Variants in VRK3 observed in about 807,000 individuals in gnomAD.
The protein encoded by VRK3 is serine/threonine-protein kinase VRK3.
Under a neutral mutation model 60.4 loss-of-function variants are expected in VRK3, and 50 were observed. That is an observed-to-expected ratio of 0.83 (90% confidence interval 0.66 to 1.05). VRK3 has a LOEUF of 1.05. Among genes scored for constraint, VRK3 ranks in the 50% least tolerant of loss-of-function variants. VRK3 has a pLI of 0.00. For missense variants in VRK3, 549 were observed against 585.3 expected (o/e 0.94, Z 0.64); for synonymous variants, 246 against 227.8 (o/e 1.08, Z -0.72).
chr19:49,997,694 G>T, intron 6 of VRK3, 124 bp from the exon 7 acceptor site: 1 of 1,005,810 alleles, frequency 9.9e-7, no homozygotes, highest in Non-Finnish European at 1.5e-6. Flanking sequence ...CCACATCGGA[G>T]CCAAATTCCT....
At chr19:50,008,460 GATA>G (rs1173726274) in intron 4 of VRK3, among the ~76,000 whole-genome samples, 2 of 152,182 alleles carry the variant, frequency 1.3e-5, no homozygotes, top group Non-Finnish European at 2.9e-5. Context: ...GGGCCCAGAG[GATA>G]ATGAGGAGCA....
chr19:50,021,201 CATTTGT>C (rs2077165774), intron 1 of VRK3, among the ~76,000 whole-genome samples: 1 of 152,302 alleles, frequency 6.6e-6, no homozygotes, highest in South Asian at 2.1e-4. Flanking sequence ...GAGAGTGTGG[CATTTGT>C]ATTTTCCAAA....
intron 6 of VRK3, chr19:49,999,860 GC>G (rs1456041541): frequency 6.6e-6 from 1 of 152,284 alleles, no homozygotes. Flanking sequence ...TTGATGGGGT[GC>G]CTACTGTGCC....
intron 11 of VRK3, among the ~76,000 whole-genome samples, chr19:49,989,117 C>T (rs2076566975): frequency 1.3e-5 from 2 of 152,164 alleles, no homozygotes; most frequent in African/African-American, 4.8e-5. Context: ...GGAGCTCAGT[C>T]TGATGGGAGG....
chr19:49,999,480 G>A (rs1291853154), intron 6 of VRK3: 1 of 152,424 alleles, frequency 6.6e-6, no homozygotes, highest in African/African-American at 2.4e-5. Context: ...TTCACAGGAG[G>A]TTGCAGGAAA....
chr19:50,016,665 A>G (rs1284325030), intron 2 of VRK3, among the ~76,000 whole-genome samples: 1 of 152,196 alleles, frequency 6.6e-6, no homozygotes, highest in Non-Finnish European at 1.5e-5. Flanking sequence ...ATCCTGACTA[A>G]TTTAGTAGAA....
chr19:49,984,147 GGAAGT>G (rs1393139985), intron 12 of VRK3, among the ~76,000 whole-genome samples: 1 of 152,162 alleles, frequency 6.6e-6, no homozygotes, highest in Non-Finnish European at 1.5e-5. Context: ...TTAGGAGTTA[GGAAGT>G]GAAGTGGGGA....
At position 49,981,192 on chromosome 19, in the gene VRK3, T is replaced by C. The variant is rs962681170; in HGVS notation, c.1218-179A>G. On this transcript the variant is annotated intron_variant, in intron 12 of 14. Coordinates refer to ENST00000316763, the MANE Select transcript of VRK3 (RefSeq NM_016440.4). Reference sequence around the variant, plus strand: ...GAATCAACCAATCCACTACCATTGCTCCCAAGGGAAACAGCACTGCTTCCT... The same window carrying C: ...GAATCAACCAATCCACTACCATTGCCCCCAAGGGAAACAGCACTGCTTCCT... 12 of 636,068 alleles carry C rather than the reference T, an allele frequency of 1.9e-5. No individual in the cohort carries two copies. In the Admixed American group the frequency reaches 3.0e-4, roughly 16 times the overall value. The allele number at this position is 636,068 out of a possible 1,614,324, so 39.4% of individuals were successfully genotyped here.
intron 12 of VRK3, chr19:49,987,905 T>C (rs1349309050): frequency 1.3e-5 from 2 of 153,550 alleles, no homozygotes; most frequent in Admixed American, 1.3e-4. Context: ...GGTTTCACTG[T>C]GTTAGTCAGG....
intron 3 of VRK3, among the ~76,000 whole-genome samples, chr19:50,011,455 GCCT>G (rs1306308146): frequency 2.0e-5 from 3 of 152,114 alleles, no homozygotes; most frequent in South Asian, 2.1e-4. Context: ...TACTGGAATG[GCCT>G]CCTAACTGGT....
At chr19:49,981,315 G>T in intron 12 of VRK3, 1 of 327,770 alleles carries the variant, frequency 3.1e-6, no homozygotes, top group East Asian at 6.1e-5. Context: ...GGGAGGCCGA[G>T]GGGGGTGGAT....
At chr19:49,989,368 C>T (rs1018433860) in intron 11 of VRK3, among the ~76,000 whole-genome samples, 1 of 152,226 alleles carries the variant, frequency 6.6e-6, no homozygotes, top group Non-Finnish European at 1.5e-5. Context: ...TCCTAGGCAA[C>T]TCCCATCTTC....
intron 2 of VRK3, chr19:50,019,092 G>A (rs1327426636): frequency 1.3e-5 from 2 of 149,400 alleles, no homozygotes; most frequent in African/African-American, 4.9e-5. Flanking sequence ...ATGAACCCGG[G>A]AGGCGGAGCT....
chr19:49,989,646 C>T lies in VRK3; in HGVS notation c.1089G>A (p.Lys363=), dbSNP rs765343518. Residue 363 remains lysine (K), a synonymous_variant, in exon 11 of 15, where the codon AAG becomes AAA. Coordinates refer to ENST00000316763, the MANE Select transcript of VRK3 (RefSeq NM_016440.4). ...CCATCCCTGGCCTCGTACCGCATCC[C>T]TTGTGCAGGTCCATGCTAATGAACT... ...DLEFISMDLH[K]GCGPSRRSDL... 6.2e-7 allele frequency: 1 copy of T among 1,610,136 alleles called. No homozygotes were observed. Among genetic ancestry groups the T allele is most frequent in the East Asian group, 2.2e-5 (1 of 44,734 alleles).
intron 8 of VRK3, 61 bp from the exon 9 acceptor site, chr19:49,994,980 G>C (rs2076676593): frequency 6.7e-7 from 1 of 1,499,878 alleles, no homozygotes; most frequent in African/African-American, 1.4e-5. Flanking sequence ...AGTACCGGCC[G>C]CCAAGGATGG....
At chr19:49,986,066 G>A (rs778268841) in intron 12 of VRK3, among the ~76,000 whole-genome samples, 3 of 152,212 alleles carry the variant, frequency 2.0e-5, no homozygotes, top group Non-Finnish European at 4.4e-5. Context: ...TGAACAGTCA[G>A]TAGAAGGAAG....
chr19:50,002,154 C>T (rs1222215119), intron 5 of VRK3, among the ~76,000 whole-genome samples: 1 of 152,162 alleles, frequency 6.6e-6, no homozygotes, highest in East Asian at 1.9e-4. Flanking sequence ...CGCTGGTGTC[C>T]CTCCTTCCTC....
In VRK3 at chr19:49,981,686, G is replaced by A; in HGVS notation, c.1218-673C>T. Reference sequence around the variant, plus strand: ...TTAAGACGGAGAGGATCCCTTTGATGATGAGGAAAGATCCAAGATGGAAAT... The same window carrying A: ...TTAAGACGGAGAGGATCCCTTTGATAATGAGGAAAGATCCAAGATGGAAAT... On this transcript the variant is annotated intron_variant, in intron 12 of 14. Transcript: ENST00000316763. 3.0e-6 allele frequency: 3 copies of A among 996,428 alleles called. No homozygotes were observed. In the South Asian group the frequency reaches 1.4e-4, roughly 45 times the overall value. The allele number at this position is 996,428 out of a possible 1,614,324, so 61.7% of individuals were successfully genotyped here.
At chr19:50,006,969 C>T (rs1248345111) in intron 5 of VRK3, among the ~76,000 whole-genome samples, 1 of 152,154 alleles carries the variant, frequency 6.6e-6, no homozygotes, top group Non-Finnish European at 1.5e-5. Flanking sequence ...AGACTCAAAC[C>T]ATGCATGGTG....
Sources: gnomAD v4.1 joint callset for allele counts (sites outside exome capture counted in the v4.1 genomes callset) on GRCh38, gnomAD v4.1.1 for gene constraint, MANE v1.5 for transcripts, NCBI Gene and HGNC (gene_info 2026-07-23, HGNC 2026-07-21) for gene names.